Variants in WRNIP1 observed in about 807,000 individuals in gnomAD.
The protein encoded by WRNIP1 is ATPase WRNIP1.
In WRNIP1, 41 loss-of-function variants were observed where a neutral mutation model predicts 56.1. The ratio of observed to expected loss-of-function variants is 0.73; its 90% CI spans 0.57 to 0.95. The LOEUF (loss-of-function observed/expected upper bound fraction) is 0.95, where lower values mean the gene tolerates loss of function less well. Among genes scored for constraint, WRNIP1 ranks in the 40% least tolerant of loss-of-function variants. The pLI, the probability that WRNIP1 is intolerant of heterozygous loss-of-function variation, is 0.00. For synonymous variants in WRNIP1, 547 were observed against 398.1 expected (o/e 1.37, Z -4.45); for missense variants, 1,170 against 939.4 (o/e 1.25, Z -3.21).
chr6:2,768,514 G>T (rs1765128721), intron 1 of WRNIP1, among the ~76,000 whole-genome samples, 177 bp from the exon 2 acceptor site: 3 of 151,896 alleles, frequency 2.0e-5, no homozygotes, highest in South Asian at 2.1e-4. Flanking sequence ...TAATATTTTT[G>T]TTGTTGTTGT....
rs903834687 is a variant in WRNIP1, at chr6:2,786,515, C to T, written c.*1233C>T. ...CTTTCCTCTGCTTCTCCCTGCACCC[C>T]ATCTGATGACAGGACTGACTGCTTT... On this transcript the variant is annotated 3_prime_UTR_variant, in exon 7 of 7. Coordinates refer to ENST00000380773, the MANE Select transcript of WRNIP1 (RefSeq NM_020135.3). 6.6e-6 allele frequency: 1 copy of T among 152,478 alleles called. No homozygotes were observed. The highest frequency in any genetic ancestry group is 1.5e-5 in the Non-Finnish European group (1 of 68,240). The allele number at this position is 152,478 out of a possible 1,614,324, so 9.4% of individuals were successfully genotyped here. A position where few individuals can be genotyped will look rare whatever the true frequency, so the allele number is the denominator to read the frequency against.
chr6:2,772,026 A>G (rs1765299557), intron 3 of WRNIP1, among the ~76,000 whole-genome samples: 5 of 152,260 alleles, frequency 3.3e-5, no homozygotes, highest in Admixed American at 3.3e-4. Context: ...TGAAGTCAAT[A>G]ATAATCAGTT....
At position 2,765,911 on chromosome 6, in the gene WRNIP1, G is replaced by A. The variant is rs2113438350; in HGVS notation, c.289G>A (p.Glu97Lys). 1 of 1,455,404 alleles carries A rather than the reference G, an allele frequency of 6.9e-7. No homozygotes were observed. Among genetic ancestry groups the A allele is most frequent in the South Asian group, 1.3e-5 (1 of 75,958 alleles). 90.2% of individuals were successfully genotyped at this position (1,455,404 alleles called of 1,614,324 possible). ...TAAESSEGEGEEGDDGGETES... is the reference protein window; with the variant it reads ...TAAESSEGEGKEGDDGGETES... ...AGCCGAGAGCAGCGAGGGCGAGGGTGAGGAGGGCGACGACGGCGGCGAGAC... is the reference window on the plus strand; with the variant it reads ...AGCCGAGAGCAGCGAGGGCGAGGGTAAGGAGGGCGACGACGGCGGCGAGAC... Residue 97 changes from glutamate (E) to lysine (K), a missense_variant, in exon 1 of 7, where the codon GAG becomes AAG. Physicochemically the swap from Glu to Lys is moderately conservative, Grantham distance 56. Coordinates refer to ENST00000380773, the MANE Select transcript of WRNIP1 (RefSeq NM_020135.3).
intron 3 of WRNIP1, among the ~76,000 whole-genome samples, chr6:2,772,544 A>G (rs771649553): frequency 1.1e-4 from 17 of 152,234 alleles, no homozygotes; most frequent in Non-Finnish European, 2.1e-4. Flanking sequence ...TATCCAGCAT[A>G]AGGGATAATT....
At position 2,766,430 on chromosome 6, in the gene WRNIP1, C is replaced by T. The variant is rs1561905915; in HGVS notation, c.808C>T (p.Pro270Ser). 1.3e-6 allele frequency: 2 copies of T among 1,575,954 alleles called. No individual in the cohort carries two copies. Among genetic ancestry groups the T allele is most frequent in the Admixed American group, 1.7e-5 (1 of 57,290 alleles). Residue 270 changes from proline to serine, a missense_variant, in exon 1 of 7, where the codon CCG becomes TCG. Physicochemically the swap from Pro to Ser is moderately conservative, Grantham distance 74. Transcript: ENST00000380773. ...CCCCTCGCTTATCCTGTGGGGGCCG[C>T]CGGGCTGCGGCAAGGTGAGTGCGGC... The part of the protein sequence containing the change: ...EIPSLILWGP[P>S]GCGKTTLAHI...
intron 3 of WRNIP1, among the ~76,000 whole-genome samples, chr6:2,775,881 G>C (rs1269076614): frequency 6.6e-6 from 1 of 152,032 alleles, no homozygotes; most frequent in African/African-American, 2.4e-5. Flanking sequence ...ACTTCCTATT[G>C]TTTATTTCCA....
intron 3 of WRNIP1, among the ~76,000 whole-genome samples, chr6:2,772,570 G>A (rs904285399): frequency 1.3e-5 from 2 of 152,186 alleles, no homozygotes; most frequent in African/African-American, 4.8e-5. Flanking sequence ...GGTATCAAGA[G>A]CCTTTTTCTT....
intron 1 of WRNIP1, among the ~76,000 whole-genome samples, chr6:2,767,982 TAAAC>T (rs1765100135): frequency 6.6e-6 from 1 of 152,234 alleles, no homozygotes; most frequent in Non-Finnish European, 1.5e-5. Flanking sequence ...TCACAGTCAT[TAAAC>T]AGTCTTCAGT....
chr6:2,771,492 T>C lies in WRNIP1; in HGVS notation c.1256+1131T>C, dbSNP rs556932238. Among the ~76,000 whole-genome samples, 109 of 152,344 alleles carry C rather than the reference T, an allele frequency of 7.2e-4. 1 individual carries two copies. The highest frequency in any genetic ancestry group is 2.6e-3 in the African/African-American group (108 of 41,582). ...TGGACTCATACTCAGAAGTGCTTTA[T>C]GTGGTGGGCATTTGTCAGAGCCTAA... On this transcript the variant is annotated intron_variant, in intron 3 of 6. Coordinates refer to ENST00000380773, the MANE Select transcript of WRNIP1 (RefSeq NM_020135.3).
At position 2,765,570 on chromosome 6, in the gene WRNIP1, G is replaced by T. The variant is rs1764902344; in HGVS notation, c.-53G>T. On this transcript the variant is annotated 5_prime_UTR_variant, in exon 1 of 7. Coordinates refer to ENST00000380773, the MANE Select transcript of WRNIP1 (RefSeq NM_020135.3). ...AGCGGAGGGCATCGAAGGCCTCCGC[G>T]TGCGCACGGGTTGCTGCGGCCGCGC... 2.8e-6 allele frequency: 4 copies of T among 1,409,034 alleles called. No individual in the cohort carries two copies. Among genetic ancestry groups the T allele is most frequent in the Non-Finnish European group, 3.7e-6 (4 of 1,088,062 alleles). The allele number at this position is 1,409,034 out of a possible 1,614,324, so 87.3% of individuals were successfully genotyped here. A position where few individuals can be genotyped will look rare whatever the true frequency, so the allele number is the denominator to read the frequency against.
At chr6:2,784,557 G>A (rs1461677471) in intron 6 of WRNIP1, among the ~76,000 whole-genome samples, 154 bp downstream of exon 6, 1 of 152,100 alleles carries the variant, frequency 6.6e-6, no homozygotes, top group East Asian at 1.9e-4. Context: ...TAGACTCTTA[G>A]ACTCCTAGAG....
rs575507735 is a variant in WRNIP1, at chr6:2,771,695, A to G, written c.1256+1334A>G. 4.6e-5 allele frequency among the ~76,000 whole-genome samples: 7 copies of G among 152,330 alleles called. No individual in the cohort carries two copies. The South Asian group carries it at 1.2e-3, about 27-fold the overall frequency. ...CATCTGGTAAGTATATAATGCAAAT[A>G]TTCTAAAATCAAAAAAATAGGAAAT... is the stretch of plus-strand genomic sequence containing the variant. On this transcript the variant is annotated intron_variant, in intron 3 of 6. Transcript: ENST00000380773.
rs1327611234 is a variant in WRNIP1, at chr6:2,765,588, G to A, written c.-35G>A. 4 of 1,462,272 alleles carry A rather than the reference G, an allele frequency of 2.7e-6. No individual in the cohort carries two copies. The highest frequency in any genetic ancestry group is 2.9e-5 in the African/African-American group (2 of 67,910). 90.6% of individuals were successfully genotyped at this position (1,462,272 alleles called of 1,614,324 possible). On this transcript the variant is annotated 5_prime_UTR_variant, in exon 1 of 7. Transcript: ENST00000380773. ...CCTCCGCGTGCGCACGGGTTGCTGC[G>A]GCCGCGCCGGGCGCCGGGGAGGGCG...
intron 6 of WRNIP1, 136 bp downstream of exon 6, chr6:2,784,539 T>G: frequency 1.1e-6 from 1 of 873,660 alleles, no homozygotes; most frequent in Non-Finnish European, 1.8e-6. Context: ...GCTTTGGAAT[T>G]CCAATTGTAG....
chr6:2,765,836 C>G lies in WRNIP1; in HGVS notation c.214C>G (p.Arg72Gly). ...KGPSPPGAKRRRLSESSALKQ... is the reference protein window; with the variant it reads ...KGPSPPGAKRGRLSESSALKQ... ...GCCCTCGCCGCCCGGCGCCAAGAGG[C>G]GGCGGCTGTCGGAGAGCTCGGCGCT... The change falls in exon 1 of 7, where the codon CGG becomes GGG. Residue 72 changes from arginine (R) to glycine (G), a missense_variant. Arg to Gly is a moderately radical substitution (Grantham distance 125). Transcript: ENST00000380773. 7.2e-7 allele frequency: 1 copy of G among 1,379,876 alleles called. No homozygotes were observed. Among genetic ancestry groups the G allele is most frequent in the Non-Finnish European group, 9.4e-7 (1 of 1,068,822 alleles). 85.5% of individuals were successfully genotyped at this position (1,379,876 alleles called of 1,614,324 possible).
At position 2,765,408 on chromosome 6, in the gene WRNIP1, C is replaced by A. The variant is rs1298690459; in HGVS notation, c.-215C>A. The A allele has an allele frequency of 9.1e-6, 4 of 441,002 alleles. No individual in the cohort carries two copies. Among genetic ancestry groups the A allele is most frequent in the African/African-American group, 6.2e-5 (3 of 48,074 alleles). 27.3% of individuals were successfully genotyped at this position (441,002 alleles called of 1,614,324 possible). A position where few individuals can be genotyped will look rare whatever the true frequency, so the allele number is the denominator to read the frequency against. On this transcript the variant is annotated 5_prime_UTR_variant, in exon 1 of 7. Coordinates refer to ENST00000380773, the MANE Select transcript of WRNIP1 (RefSeq NM_020135.3). The stretch of plus-strand genomic sequence containing the variant: ...GCCACGAACTACACTTCCCGACACG[C>A]CGCGTGAGGCGCTGCCAGCGGCCGG...
chr6:2,785,077 A>G lies in WRNIP1; in HGVS notation c.1793A>G (p.Asn598Ser), dbSNP rs35894466. Residue 598 changes from asparagine (N) to serine (S), a missense_variant, in exon 7 of 7, where the codon AAC (asparagine) becomes AGC (serine). Transcript: ENST00000380773. ...PKSIEVYSAYNNVKACLRNHQ... is the reference protein window; with the variant it reads ...PKSIEVYSAYSNVKACLRNHQ... ...TCCATTGAGGTGTACAGCGCCTACA[A>G]CAACGTCAAAGCCTGCCTGAGGAAC... 863 of 1,614,216 alleles carry G rather than the reference A, an allele frequency of 5.3e-4. 1 individual carries two copies. In the African/African-American group the frequency reaches 0.01, roughly 19 times the overall value.
chr6:2,782,209 C>G (rs1765578038), intron 4 of WRNIP1, among the ~76,000 whole-genome samples: 1 of 152,222 alleles, frequency 6.6e-6, no homozygotes, highest in Non-Finnish European at 1.5e-5. Flanking sequence ...GGGCCAGAAC[C>G]ATGCAGATGT....
rs1165836451 is a variant in WRNIP1, at chr6:2,786,314, C to G, written c.*1032C>G. The G allele has an allele frequency of 6.6e-6, 1 of 152,372 alleles. No homozygotes were observed. The highest frequency in any genetic ancestry group is 2.4e-5 in the African/African-American group (1 of 41,446). 9.4% of individuals were successfully genotyped at this position (152,372 alleles called of 1,614,324 possible). A position where few individuals can be genotyped will look rare whatever the true frequency, so the allele number is the denominator to read the frequency against. On this transcript the variant is annotated 3_prime_UTR_variant, in exon 7 of 7. Transcript: ENST00000380773. ...CCATTTTCTGGATGCTCCATCCCGC[C>G]TTACTGGTTTATTCCGCTATTTCAG...
Sources: allele counts gnomAD v4.1 joint callset (sites outside exome capture counted in the v4.1 genomes callset), GRCh38; gene constraint gnomAD v4.1.1; transcripts MANE v1.5; gene names NCBI Gene and HGNC (gene_info 2026-07-23, HGNC 2026-07-21).